NPEPPS: variants seen among roughly 807,000 people sequenced by gnomAD.
The protein encoded by NPEPPS is puromycin-sensitive aminopeptidase.
NPEPPS carries 14 observed loss-of-function variants against 115.5 expected under a neutral mutation model. The observed-to-expected ratio is 0.12, with a 90% CI of 0.08 to 0.19. The LOEUF is 0.19. Among genes scored for constraint, NPEPPS ranks in the 10% least tolerant of loss-of-function variants. The probability of loss-of-function intolerance (pLI) is 1.00; values close to 1 mark genes in which losing one functional copy is unlikely to be tolerated. For missense variants in NPEPPS, 523 were observed against 1,110.8 expected (o/e 0.47, Z 7.52); for synonymous variants, 285 against 390.6 (o/e 0.73, Z 3.19).
chr17:47,555,741 G>GT, intron 2 of NPEPPS, among the ~76,000 whole-genome samples: 1 of 151,826 alleles, frequency 6.6e-6, no homozygotes, highest in Admixed American at 6.6e-5. Context: ...AGAAACTGAT[G>GT]TTTTCCTGGT....
At chr17:47,530,709 A>C (rs1156589641), upstream of NPEPPS, among the ~76,000 whole-genome samples, 1 of 152,160 alleles carries the variant, frequency 6.6e-6, no homozygotes, top group African/African-American at 2.4e-5. Flanking sequence ...TTGCTACTTA[A>C]CAGGAACTAA....
intron 2 of NPEPPS, 145 bp from the exon 3 acceptor site, chr17:47,569,272 A>G: frequency 3.3e-6 from 2 of 605,760 alleles, no homozygotes; most frequent in Non-Finnish European, 3.0e-6. Flanking sequence ...CTCATTTGAA[A>G]TGAAACTCTT....
intron 12 of NPEPPS, 30 bp from the exon 13 acceptor site, chr17:47,596,323 C>A: frequency 1.5e-6 from 2 of 1,314,628 alleles, no homozygotes; most frequent in African/African-American, 1.5e-5. Context: ...AAAATATAAA[C>A]ATTTTAGATT....
At chr17:47,538,240 C>CTTTTTTTT (rs2143681564) in intron 1 of NPEPPS, among the ~76,000 whole-genome samples, 1 of 85,466 alleles carries the variant, frequency 1.2e-5, no homozygotes, top group African/African-American at 4.3e-5. Flanking sequence ...CAGAGTCTCA[C>CTTTTTTTT]TCTGTTGCCT....
Position 47,612,746 on chromosome 17 carries a change from C to T in NPEPPS, c.2238+144C>T, listed in dbSNP as rs930864259. On this transcript the variant is annotated intron_variant, in intron 18 of 22. Coordinates refer to ENST00000322157, the MANE Select transcript of NPEPPS (RefSeq NM_006310.4). ...TGGCATGATCTCGGCTCACTGCAGCCTCTGTCCCCCGAGTTCCAGTGATTC... is the reference window on the plus strand; with the variant it reads ...TGGCATGATCTCGGCTCACTGCAGCTTCTGTCCCCCGAGTTCCAGTGATTC... The T allele has an allele frequency of 5.5e-5, 38 of 696,256 alleles. No homozygotes were observed. In the African/African-American group the frequency reaches 6.2e-4, roughly 11 times the overall value. 43.1% of individuals were successfully genotyped at this position (696,256 alleles called of 1,614,324 possible).
intron 22 of NPEPPS, among the ~76,000 whole-genome samples, chr17:47,620,719 G>A (rs1418683954): frequency 6.6e-6 from 1 of 152,210 alleles, no homozygotes; most frequent in African/African-American, 2.4e-5. Context: ...AGATGGATTA[G>A]TCATTCTGTC....
rs928359274 is a variant in NPEPPS, at chr17:47,622,840, C to G, written c.*920C>G. The G allele has an allele frequency of 4.4e-6, 2 of 455,354 alleles. No homozygotes were observed. The highest frequency in any genetic ancestry group is 4.4e-6 in the Non-Finnish European group (1 of 226,564). The allele number at this position is 455,354 out of a possible 1,614,324, so 28.2% of individuals were successfully genotyped here. A position where few individuals can be genotyped will look rare whatever the true frequency, so the allele number is the denominator to read the frequency against. ...TTCTGCTAAAAATGGTCTTAGTTGT[C>G]TGAAAAGCCAGCTCTTGAACCTCTT... is the stretch of plus-strand genomic sequence containing the variant. On this transcript the variant is annotated 3_prime_UTR_variant, in exon 23 of 23. Coordinates refer to ENST00000322157, the MANE Select transcript of NPEPPS (RefSeq NM_006310.4).
intron 1 of NPEPPS, among the ~76,000 whole-genome samples, chr17:47,536,690 A>G: frequency 7.5e-6 from 1 of 133,314 alleles, no homozygotes; most frequent in East Asian, 2.2e-4. Context: ...CCACCGAGCC[A>G]CCGTGCCTGG....
intron 2 of NPEPPS, among the ~76,000 whole-genome samples, chr17:47,563,036 TTTG>T: frequency 6.6e-6 from 1 of 150,552 alleles, no homozygotes; most frequent in Non-Finnish European, 1.5e-5. Context: ...GTTTGTTTGT[TTTG>T]TTTTTTTTTT....
chr17:47,531,220 C>G lies in NPEPPS; in HGVS notation c.-81C>G. 1 of 1,476,068 alleles carries G rather than the reference C, an allele frequency of 6.8e-7. No homozygotes were observed. The highest frequency in any genetic ancestry group is 9.0e-7 in the Non-Finnish European group (1 of 1,116,610). 91.4% of individuals were successfully genotyped at this position (1,476,068 alleles called of 1,614,324 possible). The stretch of plus-strand genomic sequence containing the variant: ...CGCCCGCACCGCCTCCTTCCCAGCC[C>G]CTAGCGCTCCGGCTGGGTCTCTCCC... On this transcript the variant is annotated 5_prime_UTR_variant, in exon 1 of 23. Coordinates refer to ENST00000322157, the MANE Select transcript of NPEPPS (RefSeq NM_006310.4).
intron 2 of NPEPPS, among the ~76,000 whole-genome samples, chr17:47,557,936 G>GTTT (rs558714475): frequency 3.8e-5 from 5 of 133,170 alleles, no homozygotes; most frequent in Non-Finnish European, 5.0e-5. Flanking sequence ...TTGATTCCAT[G>GTTT]TTTTTTTTTT....
In NPEPPS at chr17:47,592,807, T is replaced by C. The variant is rs1227971580; in HGVS notation, c.1426+262T>C. The C allele has an allele frequency of 8.8e-6, 3 of 341,714 alleles. No homozygotes were observed. In the East Asian group the frequency reaches 1.9e-4, roughly 22 times the overall value. 21.2% of individuals were successfully genotyped at this position (341,714 alleles called of 1,614,324 possible). A position where few individuals can be genotyped will look rare whatever the true frequency, so the allele number is the denominator to read the frequency against. On this transcript the variant is annotated intron_variant, in intron 12 of 22. Transcript: ENST00000322157. ...GGGTGCATGTGCACAATGTGCAGGT[T>C]TGTTACGTCAGTATACATGTGCGGG...
At chr17:47,599,801 GTA>G (rs1474770915) in intron 14 of NPEPPS, 62 bp downstream of exon 14, 1 of 1,275,702 alleles carries the variant, frequency 7.8e-7, no homozygotes, top group Non-Finnish European at 1.1e-6. Flanking sequence ...AATACCAGTA[GTA>G]TTCCAACTAA....
intron 2 of NPEPPS, among the ~76,000 whole-genome samples, chr17:47,561,045 C>T (rs944615081): frequency 1.7e-4 from 26 of 152,160 alleles, no homozygotes; most frequent in Admixed American, 1.6e-3. Flanking sequence ...GTTTCTGTAT[C>T]TCAATGTAAT....
chr17:47,614,158 GAGA>G lies in NPEPPS; in HGVS notation c.2295+436_2295+438del, dbSNP rs368807884. ...AGCTAATTTTTGTGTTTTTTGTAGA[GAGA>G]AGGTTTCACCATGCCCAGGCTGGTC... On this transcript the variant is annotated intron_variant, in intron 19 of 22. Coordinates refer to ENST00000322157, the MANE Select transcript of NPEPPS (RefSeq NM_006310.4). Among the ~76,000 whole-genome samples the G allele has an allele frequency of 2.6e-3, 390 of 152,076 alleles. 1 individual carries two copies. The highest frequency in any genetic ancestry group is 9.1e-3 in the African/African-American group (376 of 41,488).
chr17:47,541,541 T>C (rs1011490665), intron 1 of NPEPPS, among the ~76,000 whole-genome samples: 2 of 152,146 alleles, frequency 1.3e-5, no homozygotes, highest in African/African-American at 4.8e-5. Context: ...CACGCCCAGC[T>C]AATCTTTGTA....
At chr17:47,575,402 C>G (rs1911454115) in intron 3 of NPEPPS, among the ~76,000 whole-genome samples, 1 of 151,650 alleles carries the variant, frequency 6.6e-6, no homozygotes, top group South Asian at 2.1e-4. Context: ...AGCAGACATG[C>G]TAAATGGTGA....
rs572214761 is a variant in NPEPPS, at chr17:47,542,910, G to A, written c.256-2999G>A. Among the ~76,000 whole-genome samples the A allele has an allele frequency of 2.5e-3, 380 of 152,042 alleles. 3 individuals are homozygous for A. Among genetic ancestry groups the A allele is most frequent in the African/African-American group, 8.8e-3 (365 of 41,474 alleles). On this transcript the variant is annotated intron_variant, in intron 1 of 22. Coordinates refer to ENST00000322157, the MANE Select transcript of NPEPPS (RefSeq NM_006310.4). ...TCTCAGCACTTTGGGAGGCTGAGAC[G>A]GGCGAATCACGAGGTCAGGAGTTTG...
chr17:47,596,549 A>G, intron 13 of NPEPPS, 87 bp downstream of exon 13: 1 of 713,282 alleles, frequency 1.4e-6, no homozygotes, highest in Non-Finnish European at 2.2e-6. Flanking sequence ...CTGTACTTTA[A>G]GTTTTCTAGT....
Sources: allele counts gnomAD v4.1 joint callset (sites outside exome capture counted in the v4.1 genomes callset), GRCh38; gene constraint gnomAD v4.1.1; transcripts MANE v1.5; gene names NCBI Gene and HGNC (gene_info 2026-07-23, HGNC 2026-07-21).